Variants in PLXNA4 observed in about 807,000 individuals in gnomAD.
The protein encoded by PLXNA4 is plexin-A4.
In PLXNA4, 44 loss-of-function variants were observed where a neutral mutation model predicts 191.8. That is an observed-to-expected ratio of 0.23 (90% CI 0.18 to 0.29). The LOEUF is 0.29. Among genes scored for constraint, PLXNA4 ranks in the 10% least tolerant of loss-of-function variants. The pLI, the probability that PLXNA4 is intolerant of heterozygous loss-of-function variation, is 1.00. For synonymous variants in PLXNA4, 1,082 were observed against 1,009.5 expected, an observed-to-expected ratio of 1.07 and a Z score of -1.36; for missense variants, 1,800 against 2,488.8, an observed-to-expected ratio of 0.72 and a Z score of 5.89.
chr7:132,471,486 G>A (rs1055458207), intron 3 of PLXNA4, among the ~76,000 whole-genome samples: 1 of 152,106 alleles, frequency 6.6e-6, no homozygotes, highest in African/African-American at 2.4e-5. Flanking sequence ...TGAAAGTGCT[G>A]CTGGCTGAGT....
chr7:132,334,252 C>CTTTTTTTTTTTTTTTTTTTTTTTT (rs71529758), intron 3 of PLXNA4, among the ~76,000 whole-genome samples: 5 of 75,606 alleles, frequency 6.6e-5, no homozygotes, highest in East Asian at 6.8e-4. Flanking sequence ...TTCTTTCTTT[C>CTTTTTTTTTTTTTTTTTTTTTTTT]TTTTTTTTTT....
intron 10 of PLXNA4, among the ~76,000 whole-genome samples, chr7:132,206,438 GT>G (rs1270567588): frequency 3.5e-4 from 4 of 11,434 alleles, no homozygotes; most frequent in African/African-American, 6.8e-4. Flanking sequence ...ATGTTTTCTG[GT>G]GTGTGTGTGT....
chr7:132,179,118 T>C (rs1311778342), intron 20 of PLXNA4, among the ~76,000 whole-genome samples: 1 of 107,880 alleles, frequency 9.3e-6, no homozygotes, highest in Non-Finnish European at 1.8e-5. Flanking sequence ...CACATACACA[T>C]ACACGTGCGT....
intron 2 of PLXNA4, among the ~76,000 whole-genome samples, chr7:132,615,396 C>A (rs1435110687): frequency 6.6e-6 from 1 of 152,160 alleles, no homozygotes; most frequent in Non-Finnish European, 1.5e-5. Context: ...CTGCAGCCCC[C>A]GCCCCTGGCG....
chr7:132,324,695 A>C (rs1802294920), intron 3 of PLXNA4, among the ~76,000 whole-genome samples: 1 of 152,196 alleles, frequency 6.6e-6, no homozygotes, highest in Non-Finnish European at 1.5e-5. Flanking sequence ...GAGCCCCTTC[A>C]GGTAAGTTTA....
intron 3 of PLXNA4, among the ~76,000 whole-genome samples, chr7:132,399,538 C>A (rs184980460): frequency 3.8e-4 from 58 of 152,278 alleles, no homozygotes; most frequent in Admixed American, 1.1e-3. Flanking sequence ...AGAGAGGCTT[C>A]ATGGGGGAGG....
chr7:132,129,605 G>C lies in PLXNA4; in HGVS notation c.*874C>G, dbSNP rs1387995781. ...CTATGATTGTGACTCATTTGAATTT[G>C]AGGGTAAATGGAAAACAAATTCTGC... On this transcript the variant is annotated 3_prime_UTR_variant, in exon 32 of 32. Transcript: ENST00000321063. 1 of 152,564 alleles carries C rather than the reference G, an allele frequency of 6.6e-6. No individual in the cohort carries two copies. Among genetic ancestry groups the C allele is most frequent in the African/African-American group, 2.4e-5 (1 of 41,464 alleles). The allele number at this position is 152,564 out of a possible 1,614,324, so 9.5% of individuals were successfully genotyped here. A position where few individuals can be genotyped will look rare whatever the true frequency, so the allele number is the denominator to read the frequency against.
intron 5 of PLXNA4, among the ~76,000 whole-genome samples, chr7:132,237,030 G>A (rs915561803): frequency 3.3e-5 from 5 of 152,252 alleles, no homozygotes; most frequent in Non-Finnish European, 5.9e-5. Flanking sequence ...GGAAGAAGGA[G>A]AGAGCTCTCT....
intron 3 of PLXNA4, among the ~76,000 whole-genome samples, chr7:132,454,348 G>A (rs535019335): frequency 6.6e-6 from 1 of 152,264 alleles, no homozygotes; most frequent in Admixed American, 6.5e-5. Context: ...ACAACAAGAA[G>A]CCTCTCCATT....
intron 3 of PLXNA4, among the ~76,000 whole-genome samples, chr7:132,465,182 A>C (rs533287402): frequency 6.6e-6 from 1 of 150,834 alleles, no homozygotes; most frequent in East Asian, 2.0e-4. Flanking sequence ...GATTCAGTCT[A>C]GACCCCCCCA....
chr7:132,420,103 G>A (rs1794799335), intron 3 of PLXNA4, among the ~76,000 whole-genome samples: 1 of 152,156 alleles, frequency 6.6e-6, no homozygotes, highest in Non-Finnish European at 1.5e-5. Flanking sequence ...CAAATAGGTG[G>A]GAGTGAGGGG....
chr7:132,320,811 G>A (rs999901244), intron 3 of PLXNA4, among the ~76,000 whole-genome samples: 11 of 152,222 alleles, frequency 7.2e-5, no homozygotes, highest in South Asian at 4.1e-4. Flanking sequence ...CTAGCCTTGC[G>A]CAGACCTACA....
chr7:132,210,857 C>A, intron 10 of PLXNA4, 86 bp downstream of exon 10: 1 of 1,450,446 alleles, frequency 6.9e-7, no homozygotes, highest in South Asian at 1.2e-5. Flanking sequence ...GACTGCAGGG[C>A]TGAGCTGATT....
chr7:132,187,674 G>T, intron 14 of PLXNA4, 67 bp from the exon 15 acceptor site: 2 of 1,517,930 alleles, frequency 1.3e-6, no homozygotes, highest in South Asian at 1.3e-5. Context: ...GGGCAGGCGT[G>T]AGGCAGCACC....
chr7:132,134,099 G>A (rs1795046840), intron 30 of PLXNA4, among the ~76,000 whole-genome samples: 1 of 152,162 alleles, frequency 6.6e-6, no homozygotes, highest in Admixed American at 6.5e-5. Context: ...GCAGGGCAGG[G>A]ACTAGGGTGC....
chr7:132,406,491 A>G (rs1354224656), intron 3 of PLXNA4, among the ~76,000 whole-genome samples: 2 of 152,178 alleles, frequency 1.3e-5, no homozygotes, highest in African/African-American at 4.8e-5. Flanking sequence ...GAAACCCAGG[A>G]GCCTCCTGAC....
chr7:132,563,679 T>TCTCCTCCTCCTCCTC (rs769335109), intron 1 of PLXNA4, among the ~76,000 whole-genome samples: 2 of 21,684 alleles, frequency 9.2e-5, no homozygotes, highest in South Asian at 2.0e-3. Context: ...TCCTCCTCTT[T>TCTCCTCCTCCTCCTC]CTCCTCCTCC....
intron 5 of PLXNA4, among the ~76,000 whole-genome samples, chr7:132,233,208 A>T (rs1220550426): frequency 6.6e-6 from 1 of 152,212 alleles, no homozygotes; most frequent in African/African-American, 2.4e-5. Flanking sequence ...CATTGTCATC[A>T]CATCTGGGGA....
At chr7:132,181,275 A>C in intron 18 of PLXNA4, 106 bp downstream of exon 18, 100 of 1,542,366 alleles carry the variant, frequency 6.5e-5, no homozygotes, top group Non-Finnish European at 7.6e-5. Context: ...AACCTCTGCA[A>C]GAGATGCTGG....
Sources: gnomAD v4.1 joint callset for allele counts (sites outside exome capture counted in the v4.1 genomes callset) on GRCh38, gnomAD v4.1.1 for gene constraint, MANE v1.5 for transcripts, NCBI Gene and HGNC (gene_info 2026-07-23, HGNC 2026-07-21) for gene names.